Variants in PRICKLE1 observed in about 807,000 individuals in gnomAD.
The protein encoded by PRICKLE1 is prickle planar cell polarity protein 1.
Under a neutral mutation model 70.2 loss-of-function variants are expected in PRICKLE1, and 14 were observed. The ratio of observed to expected loss-of-function variants is 0.20; its 90% CI spans 0.13 to 0.31. PRICKLE1 has a LOEUF of 0.31. Among genes scored for constraint, PRICKLE1 ranks in the 10% least tolerant of loss-of-function variants. The pLI, the probability that PRICKLE1 is intolerant of heterozygous loss-of-function variation, is 1.00. For synonymous variants in PRICKLE1, 357 were observed against 379.9 expected, an observed-to-expected ratio of 0.94 and a Z score of 0.70; for missense variants, 821 against 1,026.2, an observed-to-expected ratio of 0.80 and a Z score of 2.73.
chr12:42,562,995 C>T (rs1262795040), intron 1 of PRICKLE1, among the ~76,000 whole-genome samples: 9 of 151,748 alleles, frequency 5.9e-5, no homozygotes, highest in African/African-American at 1.9e-4. Flanking sequence ...CCAGCCTGGC[C>T]CACATGGTGA....
intron 1 of PRICKLE1, among the ~76,000 whole-genome samples, chr12:42,558,204 G>T (rs1940445014): frequency 6.6e-6 from 1 of 152,152 alleles, no homozygotes. Context: ...TTACACCTTA[G>T]ATCAATGTAT....
intron 1 of PRICKLE1, among the ~76,000 whole-genome samples, chr12:42,568,808 C>T (rs980181160): frequency 6.6e-6 from 1 of 152,120 alleles, no homozygotes; most frequent in Non-Finnish European, 1.5e-5. Context: ...ACATTGTACT[C>T]AATAGGTAAT....
At chr12:42,526,192 T>C (rs1939795555) in intron 1 of PRICKLE1, among the ~76,000 whole-genome samples, 1 of 152,208 alleles carries the variant, frequency 6.6e-6, no homozygotes, top group Admixed American at 6.5e-5. Flanking sequence ...TCACGATTCA[T>C]GGGTATTTCT....
chr12:42,582,611 A>T (rs1323181442), intron 1 of PRICKLE1, among the ~76,000 whole-genome samples: 1 of 152,224 alleles, frequency 6.6e-6, no homozygotes, highest in Non-Finnish European at 1.5e-5. Flanking sequence ...TTAGAGCACT[A>T]AGCAGTCTTC....
chr12:42,583,847 A>T, intron 1 of PRICKLE1, among the ~76,000 whole-genome samples: 1 of 152,104 alleles, frequency 6.6e-6, no homozygotes, highest in Admixed American at 6.6e-5. Flanking sequence ...CCATCTTAGC[A>T]CCTCACCTCT....
intron 1 of PRICKLE1, among the ~76,000 whole-genome samples, chr12:42,565,938 G>T (rs1198634176): frequency 6.6e-6 from 1 of 152,138 alleles, no homozygotes; most frequent in Non-Finnish European, 1.5e-5. Flanking sequence ...ACAAGGAACC[G>T]GGGATCAGAG....
At chr12:42,499,855 T>A (rs1308058245) in intron 1 of PRICKLE1, among the ~76,000 whole-genome samples, 2 of 152,066 alleles carry the variant, frequency 1.3e-5, no homozygotes, top group Non-Finnish European at 2.9e-5. Flanking sequence ...AGTCTCCCAA[T>A]TAGCTGGAAT....
chr12:42,488,542 T>C (rs1340919338), intron 1 of PRICKLE1, among the ~76,000 whole-genome samples: 1 of 152,216 alleles, frequency 6.6e-6, no homozygotes, highest in Non-Finnish European at 1.5e-5. Flanking sequence ...GTTCTGACCT[T>C]AGGCTCTGCA....
chr12:42,489,763 C>G (rs1406814337), intron 1 of PRICKLE1: 1 of 151,282 alleles, frequency 6.6e-6, no homozygotes, highest in Admixed American at 6.6e-5. Context: ...TCCTCCCAGT[C>G]ACAAGCTTCA....
chr12:42,462,432 T>G (rs1251691725), intron 7 of PRICKLE1, among the ~76,000 whole-genome samples: 6 of 151,920 alleles, frequency 3.9e-5, no homozygotes, highest in Non-Finnish European at 7.4e-5. Context: ...AACTCCTGAC[T>G]TCAGGTGATC....
chr12:42,581,507 G>A (rs932165346), intron 1 of PRICKLE1, among the ~76,000 whole-genome samples: 2 of 152,032 alleles, frequency 1.3e-5, no homozygotes, highest in Non-Finnish European at 2.9e-5. Context: ...TACTTTGGGA[G>A]GGCGAGACAG....
intron 1 of PRICKLE1, among the ~76,000 whole-genome samples, chr12:42,549,321 A>G (rs1940269288): frequency 6.6e-6 from 1 of 152,164 alleles, no homozygotes; most frequent in African/African-American, 2.4e-5. Context: ...AGCTGAATCC[A>G]CATCCTAAGG....
At chr12:42,542,310 G>GAAA in intron 1 of PRICKLE1, among the ~76,000 whole-genome samples, 1 of 151,782 alleles carries the variant, frequency 6.6e-6, no homozygotes, top group East Asian at 1.9e-4. Flanking sequence ...TTTTCATAAT[G>GAAA]TTATTACATA....
intron 1 of PRICKLE1, among the ~76,000 whole-genome samples, chr12:42,558,834 T>G (rs1163768416): frequency 6.6e-6 from 1 of 152,214 alleles, no homozygotes; most frequent in Non-Finnish European, 1.5e-5. Context: ...TAAATGACAC[T>G]GTTCAAAGAG....
intron 1 of PRICKLE1, among the ~76,000 whole-genome samples, chr12:42,584,177 T>G (rs1417563661): frequency 1.3e-5 from 2 of 152,194 alleles, no homozygotes; most frequent in African/African-American, 4.8e-5. Context: ...ATATTCTTAT[T>G]GAGATCTCTC....
At chr12:42,574,926 T>TA (rs1036431552) in intron 1 of PRICKLE1, among the ~76,000 whole-genome samples, 1 of 150,834 alleles carries the variant, frequency 6.6e-6, no homozygotes, top group South Asian at 2.1e-4. Flanking sequence ...TTTTTAAGAT[T>TA]AAAAAAAAGT....
intron 5 of PRICKLE1, among the ~76,000 whole-genome samples, chr12:42,466,913 G>C (rs116765451): frequency 1.2e-3 from 179 of 152,172 alleles, no homozygotes; most frequent in African/African-American, 4.2e-3. Flanking sequence ...GGTCTCACTT[G>C]TAGCCCAGGC....
Position 42,464,533 on chromosome 12 carries a change from C to T in PRICKLE1, c.1501G>A (p.Glu501Lys). The stretch of plus-strand genomic sequence containing the variant: ...TACCCTGAAGCCCCATGGTCCAGTT[C>T]CAATTCCTGAAGCCTTCTACTGCTT... ...PASSRRLQEL[E>K]LDHGASGYNH... The change falls in exon 7 of 8, where the codon GAA becomes AAA. Residue 501 changes from glutamate (E) to lysine (K), a missense_variant. By Grantham distance (56) the Glu-to-Lys change is moderately conservative. Coordinates refer to ENST00000345127, the MANE Select transcript of PRICKLE1 (RefSeq NM_153026.3). This position sits in a 1 kb window ranked among gnomAD's most constrained non-coding sequence, Gnocchi z 4.2. 6.2e-7 allele frequency: 1 copy of T among 1,613,970 alleles called. No individual in the cohort carries two copies. Among genetic ancestry groups the T allele is most frequent in the South Asian group, 1.1e-5 (1 of 91,080 alleles).
At chr12:42,572,829 A>C (rs1333205643) in intron 1 of PRICKLE1, among the ~76,000 whole-genome samples, 1 of 152,114 alleles carries the variant, frequency 6.6e-6, no homozygotes, top group Non-Finnish European at 1.5e-5. Flanking sequence ...CTCTGTCTCA[A>C]AGGAAAAAAA....
Sources: allele counts gnomAD v4.1 joint callset (sites outside exome capture counted in the v4.1 genomes callset), GRCh38; gene constraint gnomAD v4.1.1; non-coding constraint Gnocchi (gnomAD v3.1); transcripts MANE v1.5; gene names NCBI Gene and HGNC (gene_info 2026-07-23, HGNC 2026-07-21).